Variants in SPEG observed in about 807,000 individuals in gnomAD.
The protein encoded by SPEG is striated muscle preferentially expressed protein kinase.
SPEG carries 114 observed loss-of-function variants against 300.4 expected under a neutral mutation model. The observed-to-expected ratio is 0.38, with a 90% CI of 0.33 to 0.44. The LOEUF (loss-of-function observed/expected upper bound fraction) is 0.44. Among genes scored for constraint, SPEG ranks in the 20% least tolerant of loss-of-function variants. The probability of loss-of-function intolerance (pLI) is 1.00; values close to 1 mark genes in which losing one functional copy is unlikely to be tolerated. For missense variants in SPEG, 4,201 were observed against 4,586.2 expected (o/e 0.92, Z 2.43); for synonymous variants, 1,964 against 2,018.9 (o/e 0.97, Z 0.73).
Position 219,448,705 on chromosome 2 carries a change from C to T in SPEG, c.1547C>T (p.Ser516Phe), listed in dbSNP as rs954539349. ...GAGGAGCTGGTGCGCTCGCACGAGT[C>T]CCTGCGCGCCACGCTGCAGCGTGCC... ...SREELVRSHE[S>F]LRATLQRAPS... Residue 516 changes from serine to phenylalanine, a missense_variant, in exon 4 of 41, where the codon TCC becomes TTC. Around this residue, in one of 4 missense-constraint regions of SPEG, gnomAD observed 1,258 missense variants for 1,293.9 expected, o/e 0.97. Coordinates refer to ENST00000312358, the MANE Select transcript of SPEG (RefSeq NM_005876.5). 2 of 1,493,606 alleles carry T rather than the reference C, an allele frequency of 1.3e-6. No homozygotes were observed. Among genetic ancestry groups the T allele is most frequent in the African/African-American group, 2.9e-5 (2 of 68,604 alleles). 92.5% of individuals were successfully genotyped at this position (1,493,606 alleles called of 1,614,324 possible). A position where few individuals can be genotyped will look rare whatever the true frequency, so the allele number is the denominator to read the frequency against.
chr2:219,481,200 T>C lies in SPEG; in HGVS notation c.5370-104T>C. On this transcript the variant is annotated intron_variant, in intron 26 of 40. Coordinates refer to ENST00000312358, the MANE Select transcript of SPEG (RefSeq NM_005876.5). This position sits in a 1 kb window ranked among gnomAD's most constrained non-coding sequence, Gnocchi z 5.4. ...ACCCACATTTGCCCAGCCTCTGTCA[T>C]CCTCACAACCCCAGAGCCTCCATCT... The C allele has an allele frequency of 7.8e-7, 1 of 1,286,438 alleles. No individual in the cohort carries two copies. Among genetic ancestry groups the C allele is most frequent in the Non-Finnish European group, 1.1e-6 (1 of 912,316 alleles). The allele number at this position is 1,286,438 out of a possible 1,614,324, so 79.7% of individuals were successfully genotyped here.
At position 219,493,097 on chromosome 2, in the gene SPEG, T is replaced by G; in HGVS notation, c.*311T>G. The stretch of plus-strand genomic sequence containing the variant: ...AATCGAGGGACAGGAAGGGGGAGGC[T>G]CTAGGAAGGTTCTGGGTTGGGGGTC... On this transcript the variant is annotated 3_prime_UTR_variant, in exon 41 of 41. Transcript: ENST00000312358. 1 of 612,342 alleles carries G rather than the reference T, an allele frequency of 1.6e-6. No homozygotes were observed. The highest frequency in any genetic ancestry group is 3.0e-6 in the Non-Finnish European group (1 of 329,298). 37.9% of individuals were successfully genotyped at this position (612,342 alleles called of 1,614,324 possible). A position where few individuals can be genotyped will look rare whatever the true frequency, so the allele number is the denominator to read the frequency against.
At chr2:219,492,041 C>T (rs186012409) in intron 39 of SPEG, 70 bp from the exon 40 acceptor site, 2 of 1,532,780 alleles carry the variant, frequency 1.3e-6, no homozygotes, top group Non-Finnish European at 8.9e-7. Context: ...GCACCTGACA[C>T]TAATGTCCTT....
Position 219,477,216 on chromosome 2 carries a change from C to CGGGACCTGGTACAGCGGCT in SPEG, c.4561-61_4561-60insGGGACCTGGTACAGCGGCT. ...GCGCTGCCCAGAGTAGGAGATGAGG[C>CGGGACCTGGTACAGCGGCT]CCTGGCCCCAAGGTAGAGATGAGGC... On this transcript the variant is annotated intron_variant, in intron 19 of 40. Coordinates refer to ENST00000312358, the MANE Select transcript of SPEG (RefSeq NM_005876.5). This position sits in a 1 kb window ranked among gnomAD's most constrained non-coding sequence, Gnocchi z 6.4. 6.8e-7 allele frequency: 1 copy of CGGGACCTGGTACAGCGGCT among 1,467,326 alleles called. No individual in the cohort carries two copies. The highest frequency in any genetic ancestry group is 1.4e-5 in the African/African-American group (1 of 72,040). The allele number at this position is 1,467,326 out of a possible 1,614,324, so 90.9% of individuals were successfully genotyped here. A position where few individuals can be genotyped will look rare whatever the true frequency, so the allele number is the denominator to read the frequency against.
Position 219,481,435 on chromosome 2 carries a change from A to C in SPEG, c.5501A>C (p.Lys1834Thr). 1 of 1,614,048 alleles carries C rather than the reference A, an allele frequency of 6.2e-7. No homozygotes were observed. The highest frequency in any genetic ancestry group is 2.2e-5 in the East Asian group (1 of 44,874). Reference protein sequence around the residue: ...LSREARGFLIKVLVQDRLRPT... With the variant: ...LSREARGFLITVLVQDRLRPT... ...AGGGAGGCCCGGGGCTTCCTCATCA[A>C]AGTGTTGGTGCAGGACCGGCTGTGA... Residue 1834 changes from lysine to threonine, a missense_variant, in exon 27 of 41, where the codon AAA (lysine) becomes ACA (threonine). Transcript: ENST00000312358. The surrounding 1 kb of genome is among the most constrained non-coding windows in gnomAD (Gnocchi z 5.4).
Position 219,448,571 on chromosome 2 carries a change from G to A in SPEG, c.1413G>A (p.Gln471=), listed in dbSNP as rs1689495706. Residue 471 remains glutamine (Q), a synonymous_variant, in exon 4 of 41, where the codon CAG becomes CAA. Transcript: ENST00000312358. Reference sequence around the variant, plus strand: ...TGGCCGAGCGGCGCCGCCTGTTCCAGCAGAAAGCGGCCTCGCTGGACGAGC... The same window carrying A: ...TGGCCGAGCGGCGCCGCCTGTTCCAACAGAAAGCGGCCTCGCTGGACGAGC... ...GSVAERRRLF[Q]QKAASLDERT... The A allele has an allele frequency of 2.1e-6, 3 of 1,452,042 alleles. No individual in the cohort carries two copies. The highest frequency in any genetic ancestry group is 2.7e-6 in the Non-Finnish European group (3 of 1,110,072). The allele number at this position is 1,452,042 out of a possible 1,614,324, so 89.9% of individuals were successfully genotyped here.
chr2:219,490,866 C>A lies in SPEG; in HGVS notation c.9295C>A (p.Leu3099Ile), dbSNP rs772710113. The A allele has an allele frequency of 1.5e-5, 24 of 1,614,024 alleles. No individual in the cohort carries two copies. In the South Asian group the frequency reaches 2.6e-4, roughly 18 times the overall value. The change falls in exon 38 of 41, where the codon CTC becomes ATC. Residue 3099 changes from leucine to isoleucine, a missense_variant. Coordinates refer to ENST00000312358, the MANE Select transcript of SPEG (RefSeq NM_005876.5). ...DNLLLAPDNA[L>I]KIVDFGSAQP... ...CCTGCTGCTGGCCCCTGACAATGCC[C>A]TCAAGATTGTGGACTTTGGCAGTGC... is the stretch of plus-strand genomic sequence containing the variant.
At position 219,488,301 on chromosome 2, in the gene SPEG, T is replaced by A; in HGVS notation, c.7849T>A (p.Trp2617Arg). 6.2e-7 allele frequency: 1 copy of A among 1,608,838 alleles called. No individual in the cohort carries two copies. Among genetic ancestry groups the A allele is most frequent in the Non-Finnish European group, 8.5e-7 (1 of 1,177,054 alleles). ...PAACPAPHIS[W>R]MKDKKSLRSE... ...GGCCTGCCCTGCACCGCACATCTCCTGGATGAAAGGTAAGGAGACTCTGTC... is the reference window on the plus strand; with the variant it reads ...GGCCTGCCCTGCACCGCACATCTCCAGGATGAAAGGTAAGGAGACTCTGTC... Residue 2617 changes from tryptophan to arginine, a missense_variant, in exon 32 of 41, where the codon TGG (tryptophan) becomes AGG (arginine). Coordinates refer to ENST00000312358, the MANE Select transcript of SPEG (RefSeq NM_005876.5).
At position 219,435,362 on chromosome 2, in the gene SPEG, G is replaced by C. The variant is rs995751343; in HGVS notation, c.385G>C (p.Gly129Arg). ...GGCGGTGCTCACAGTGCTGGAGGTC[G>C]GAGGTAAAGGGCAGGTGGGGGCCGC... ...CEAVLTVLEV[G>R]DSETAEDDIS... The change falls in exon 1 of 41, where the codon GGA becomes CGA. Residue 129 changes from glycine (G) to arginine (R), a missense_variant. Transcript: ENST00000312358. 1.3e-6 allele frequency: 2 copies of C among 1,534,944 alleles called. No individual in the cohort carries two copies. Among genetic ancestry groups the C allele is most frequent in the East Asian group, 2.5e-5 (1 of 40,390 alleles).
intron 7 of SPEG, 117 bp from the exon 8 acceptor site, chr2:219,462,181 T>G: frequency 4.2e-6 from 5 of 1,198,850 alleles, no homozygotes; most frequent in South Asian, 1.5e-5. Flanking sequence ...TCAAACCCTC[T>G]TACCCAGAGC....
chr2:219,447,867 C>T, intron 3 of SPEG, 107 bp from the exon 4 acceptor site: 11 of 1,060,522 alleles, frequency 1.0e-5, no homozygotes, highest in African/African-American at 1.6e-5. Flanking sequence ...GCCCATGTCA[C>T]CCCCAAGCCT....
At position 219,443,949 on chromosome 2, in the gene SPEG, C is replaced by T. The variant is rs1689095401; in HGVS notation, c.389-704C>T. ...GTGCCTCACGCCCCTTCTGTCTTGA[C>T]TGCCCTCCATGCCCTGCCCCACAAA... On this transcript the variant is annotated intron_variant, in intron 1 of 40. Coordinates refer to ENST00000312358, the MANE Select transcript of SPEG (RefSeq NM_005876.5). The surrounding 1 kb of genome is among the most constrained non-coding windows in gnomAD (Gnocchi z 4.6). 2.5e-6 allele frequency: 3 copies of T among 1,221,828 alleles called. No homozygotes were observed. Among genetic ancestry groups the T allele is most frequent in the Non-Finnish European group, 3.3e-6 (3 of 905,078 alleles). 75.7% of individuals were successfully genotyped at this position (1,221,828 alleles called of 1,614,324 possible). A position where few individuals can be genotyped will look rare whatever the true frequency, so the allele number is the denominator to read the frequency against.
Position 219,464,975 on chromosome 2 carries a change from C to A in SPEG, c.2881+367C>A, listed in dbSNP as rs2280038. 1,963 of 185,716 alleles carry A rather than the reference C, an allele frequency of 0.011. 25 individuals are homozygous for A. Among genetic ancestry groups the A allele is most frequent in the South Asian group, 0.023 (160 of 7,058 alleles). The allele number at this position is 185,716 out of a possible 1,614,324, so 11.5% of individuals were successfully genotyped here. A position where few individuals can be genotyped will look rare whatever the true frequency, so the allele number is the denominator to read the frequency against. ...AGGACCCTCCCTCATCCCCCTCCCCCTCTCCTCTCGCCCCTTTGCCCACCC... is the reference window on the plus strand; with the variant it reads ...AGGACCCTCCCTCATCCCCCTCCCCATCTCCTCTCGCCCCTTTGCCCACCC... On this transcript the variant is annotated intron_variant, in intron 9 of 40. Transcript: ENST00000312358. This position sits in a 1 kb window ranked among gnomAD's most constrained non-coding sequence, Gnocchi z 4.5.
At position 219,492,713 on chromosome 2, in the gene SPEG, A is replaced by AGCAGCG. The variant is rs1163717684; in HGVS notation, c.9734_9739dup (p.Gln3245_Arg3246dup). ...AACCGGCTCAAGGAGTTCCTGGGCG[A>AGCAGCG]GCAGCGGCGGCGCCGGGCTGAGGCT... On this transcript the variant is annotated inframe_insertion, in exon 41 of 41. Coordinates refer to ENST00000312358, the MANE Select transcript of SPEG (RefSeq NM_005876.5). The AGCAGCG allele has an allele frequency of 1.7e-5, 27 of 1,605,160 alleles. No individual in the cohort carries two copies. In the East Asian group the frequency reaches 6.0e-4, roughly 36 times the overall value.
At position 219,489,388 on chromosome 2, in the gene SPEG, G is replaced by C. The variant is rs1354534447; in HGVS notation, c.8370G>C (p.Arg2790Ser). Residue 2790 changes from arginine to serine, a missense_variant, in exon 36 of 41, where the codon AGG becomes AGC. By Grantham distance (110) the Arg-to-Ser change is moderately radical. Coordinates refer to ENST00000312358, the MANE Select transcript of SPEG (RefSeq NM_005876.5). ...ACCAAGAGGCCCCTGTCACCTCAAG[G>C]CCAGCCAGGGCCCGGCCTCCTGACT... ...AAHQEAPVTS[R>S]PARARPPDSP... 6.2e-7 allele frequency: 1 copy of C among 1,612,858 alleles called. No individual in the cohort carries two copies. Among genetic ancestry groups the C allele is most frequent in the Non-Finnish European group, 8.5e-7 (1 of 1,179,674 alleles).
chr2:219,438,657 G>A (rs1364122115), intron 1 of SPEG, among the ~76,000 whole-genome samples: 1 of 152,246 alleles, frequency 6.6e-6, no homozygotes, highest in Admixed American at 6.5e-5. Flanking sequence ...CTGCACTAAA[G>A]GGCAGAGGGG....
chr2:219,448,427 C>T lies in SPEG; in HGVS notation c.1269C>T (p.Pro423=), dbSNP rs1346139852. ...SLERSDSPPA[P]LRPWVPLRKA... is the part of the protein sequence containing the mutation. ...AGCGCAGCGACTCGCCGCCGGCGCC[C>T]CTGCGGCCCTGGGTGCCCCTGCGCA... The change falls in exon 4 of 41, where the codon CCC becomes CCT. Residue 423 remains proline (P), a synonymous_variant. Transcript: ENST00000312358. The T allele has an allele frequency of 1.3e-6, 2 of 1,519,650 alleles. No individual in the cohort carries two copies. Among genetic ancestry groups the T allele is most frequent in the Admixed American group, 4.2e-5 (2 of 47,784 alleles). 94.1% of individuals were successfully genotyped at this position (1,519,650 alleles called of 1,614,324 possible).
In SPEG at chr2:219,473,501, C is replaced by T; in HGVS notation, c.4148-3C>T. 6.2e-7 allele frequency: 1 copy of T among 1,613,792 alleles called. No individual in the cohort carries two copies. Among genetic ancestry groups the T allele is most frequent in the Non-Finnish European group, 8.5e-7 (1 of 1,179,926 alleles). The stretch of plus-strand genomic sequence containing the variant: ...CACAGAGCCTGCGCTCTCCTCCTCC[C>T]AGGCCCAACCCTGGAGGAGGCCCCT... On this transcript the variant is annotated splice_polypyrimidine_tract_variant and splice_region_variant and intron_variant, in intron 16 of 40. Transcript: ENST00000312358. The surrounding 1 kb of genome is among the most constrained non-coding windows in gnomAD (Gnocchi z 4.6).
chr2:219,467,221 G>A lies in SPEG; in HGVS notation c.2929G>A (p.Val977Met), dbSNP rs770098499. 6.9e-6 allele frequency: 11 copies of A among 1,597,948 alleles called. No individual in the cohort carries two copies. The East Asian group carries it at 9.0e-5, about 13-fold the overall frequency. The change falls in exon 10 of 41, where the codon GTG becomes ATG. Residue 977 changes from valine to methionine, a missense_variant. Physicochemically the swap from Val to Met is conservative, Grantham distance 21. Coordinates refer to ENST00000312358, the MANE Select transcript of SPEG (RefSeq NM_005876.5). ...GGCCGTGCTGGCCCCCCTGCAGGACGTGGACGTGGGGGCCGGGGAGATGGC... is the reference window on the plus strand; with the variant it reads ...GGCCGTGCTGGCCCCCCTGCAGGACATGGACGTGGGGGCCGGGGAGATGGC... The part of the protein sequence containing the change: ...SLAVLAPLQD[V>M]DVGAGEMALF...
Sources: allele counts gnomAD v4.1 joint callset (sites outside exome capture counted in the v4.1 genomes callset), GRCh38; gene constraint gnomAD v4.1.1; regional missense constraint gnomAD v4.1.1; non-coding constraint Gnocchi (gnomAD v3.1); transcripts MANE v1.5; gene names NCBI Gene and HGNC (gene_info 2026-07-23, HGNC 2026-07-21).